The following NSD3 variants were observed in gnomAD, a reference collection of about 807,000 sequenced individuals.
NSD3 encodes the protein nuclear receptor binding SET domain protein 3.
In NSD3, 24 loss-of-function variants were observed where a neutral mutation model predicts 160.8. The observed-to-expected ratio is 0.15, with a 90% CI of 0.11 to 0.21. The LOEUF (loss-of-function observed/expected upper bound fraction) is 0.21, where lower values mean the gene tolerates loss of function less well. Ranked by LOEUF, NSD3 falls within the 10% of genes least tolerant of loss-of-function variation. NSD3 has a pLI of 1.00. For synonymous variants in NSD3, 520 were observed against 600.0 expected (o/e 0.87, Z 1.95); for missense variants, 1,157 against 1,735.9 (o/e 0.67, Z 5.93).
intron 22 of NSD3, among the ~76,000 whole-genome samples, chr8:38,277,570 C>T (rs189079471): frequency 1.5e-3 from 226 of 152,342 alleles, no homozygotes; most frequent in Non-Finnish European, 2.8e-3. Context: ...AGCCACCACG[C>T]CCAGCCAGGT....
At chr8:38,311,595 G>A (rs1809537595) in intron 12 of NSD3, among the ~76,000 whole-genome samples, 1 of 152,132 alleles carries the variant, frequency 6.6e-6, no homozygotes, top group Non-Finnish European at 1.5e-5. Flanking sequence ...CAAAGTGCCG[G>A]TATTACAGAC....
At position 38,368,476 on chromosome 8, in the gene NSD3, A is replaced by AAAACAAC. The variant is rs1385200164; in HGVS notation, c.-45+13316_-45+13322dup. Among the ~76,000 whole-genome samples, 4 of 152,358 alleles carry AAAACAAC rather than the reference A, an allele frequency of 2.6e-5. No individual in the cohort carries two copies. The East Asian group carries it at 7.7e-4, about 29-fold the overall frequency. ...ACTTAGTTAACAAAATACAAAAAAG[A>AAAACAAC]AAACAACAACAACAAAAAAGTGTTT... On this transcript the variant is annotated intron_variant, in intron 1 of 23. Transcript: ENST00000317025.
At chr8:38,341,345 C>T (rs1276072640) in intron 2 of NSD3, among the ~76,000 whole-genome samples, 3 of 151,930 alleles carry the variant, frequency 2.0e-5, no homozygotes, top group Non-Finnish European at 2.9e-5. Flanking sequence ...CGAGACCAGC[C>T]GTGCCAAGAT....
chr8:38,328,023 G>A (rs1291892205), intron 6 of NSD3, among the ~76,000 whole-genome samples: 1 of 152,088 alleles, frequency 6.6e-6, no homozygotes, highest in Non-Finnish European at 1.5e-5. Flanking sequence ...GCACCATAGT[G>A]AGACCCTGTC....
Position 38,304,718 on chromosome 8 carries a change from T to G in NSD3, c.2480A>C (p.His827Pro), listed in dbSNP as rs774667538. Reference sequence around the variant, plus strand: ...GGCCGCAATGCAAGCATCTCCAGAGTGATAGGCAACTGGACATCTTAAACA... The same window carrying G: ...GGCCGCAATGCAAGCATCTCCAGAGGGATAGGCAACTGGACATCTTAAACA... ...MRCLRCPVAY[H>P]SGDACIAAGS... The change falls in exon 14 of 24, where the codon CAC (histidine) becomes CCC (proline). Residue 827 changes from histidine to proline, a missense_variant. Around this residue, in one of 10 missense-constraint regions of NSD3, gnomAD observed 437 missense variants for 576.6 expected, o/e 0.76. Coordinates refer to ENST00000317025, the MANE Select transcript of NSD3 (RefSeq NM_023034.2). The G allele has an allele frequency of 6.2e-7, 1 of 1,613,248 alleles. No homozygotes were observed. The highest frequency in any genetic ancestry group is 8.5e-7 in the Non-Finnish European group (1 of 1,179,688).
chr8:38,335,427 A>G (rs1182164372), intron 4 of NSD3, among the ~76,000 whole-genome samples: 1 of 152,240 alleles, frequency 6.6e-6, no homozygotes, highest in African/African-American at 2.4e-5. Context: ...GAAACTCTTT[A>G]TATAATCTCA....
Position 38,305,358 on chromosome 8 carries a change from G to A in NSD3, c.2330C>T (p.Ala777Val). ...GGCAGTGGGGAATTTGCGGACACAG[G>A]CTTCATGATAAAATTTCCCACAAGC... ...VGACGKFYHE[A>V]CVRKFPTAIF... Residue 777 changes from alanine (A) to valine (V), a missense_variant, in exon 13 of 24, where the codon GCC (alanine) becomes GTC (valine). This residue lies in a region of NSD3 where 437 missense variants were observed against 576.6 expected (regional missense o/e 0.76). Coordinates refer to ENST00000317025, the MANE Select transcript of NSD3 (RefSeq NM_023034.2). 6.2e-7 allele frequency: 1 copy of A among 1,614,136 alleles called. No individual in the cohort carries two copies. Among genetic ancestry groups the A allele is most frequent in the Non-Finnish European group, 8.5e-7 (1 of 1,180,024 alleles).
chr8:38,340,677 T>C (rs1342824199), intron 2 of NSD3, among the ~76,000 whole-genome samples: 1 of 152,010 alleles, frequency 6.6e-6, no homozygotes, highest in African/African-American at 2.4e-5. Flanking sequence ...ATATGTTCTA[T>C]AAGCCAGACT....
intron 1 of NSD3, among the ~76,000 whole-genome samples, chr8:38,368,207 G>C (rs995659425): frequency 6.6e-6 from 1 of 152,144 alleles, no homozygotes; most frequent in African/African-American, 2.4e-5. Context: ...TGATCCACTC[G>C]CCTTGGCCTC....
In NSD3 at chr8:38,329,596, G is replaced by T; in HGVS notation, c.1363C>A (p.His455Asn). Residue 455 changes from histidine to asparagine, a missense_variant, in exon 6 of 24, where the codon CAC becomes AAC. Around this residue, in one of 10 missense-constraint regions of NSD3, gnomAD observed 168 missense variants for 208.1 expected, o/e 0.81. Transcript: ENST00000317025. This position sits in a 1 kb window ranked among gnomAD's most constrained non-coding sequence, Gnocchi z 4.8. ...GGCTCTTCCTCTTCCGCACTTGTGT[G>T]CCGCCTCTGGCTATGTCTCCGAATT... ...TEIRRHSQRR[H>N]TSAEEEEPPP... 1 of 1,614,228 alleles carries T rather than the reference G, an allele frequency of 6.2e-7. No homozygotes were observed. Among genetic ancestry groups the T allele is most frequent in the Non-Finnish European group, 8.5e-7 (1 of 1,180,042 alleles).
chr8:38,295,001 G>A (rs545806001), intron 16 of NSD3, among the ~76,000 whole-genome samples: 61 of 151,046 alleles, frequency 4.0e-4, no homozygotes, highest in Admixed American at 3.4e-3. Flanking sequence ...AAAATTAGAC[G>A]GGCATGGTAG....
At chr8:38,367,159 C>A (rs143248777) in intron 1 of NSD3, among the ~76,000 whole-genome samples, 1 of 152,272 alleles carries the variant, frequency 6.6e-6, no homozygotes, top group African/African-American at 2.4e-5. Flanking sequence ...GAAGGATGTA[C>A]TCTAACATTG....
At chr8:38,351,296 G>A (rs1006579975) in intron 1 of NSD3, among the ~76,000 whole-genome samples, 2 of 151,362 alleles carry the variant, frequency 1.3e-5, no homozygotes, top group African/African-American at 4.9e-5. Context: ...AAGTTCTAAA[G>A]CAGGAAGGAC....
intron 2 of NSD3, among the ~76,000 whole-genome samples, chr8:38,339,489 G>A (rs989719861): frequency 6.6e-6 from 1 of 152,190 alleles, no homozygotes; most frequent in Non-Finnish European, 1.5e-5. Flanking sequence ...CACTTTGGGA[G>A]GCTGAGGCAG....
chr8:38,324,712 G>A (rs1438684223), intron 7 of NSD3, among the ~76,000 whole-genome samples: 1 of 152,122 alleles, frequency 6.6e-6, no homozygotes, highest in Non-Finnish European at 1.5e-5. Flanking sequence ...TTCCTAGTTG[G>A]GGGCTAGTCA....
At position 38,279,828 on chromosome 8, in the gene NSD3, A is replaced by G. The variant is rs184458994; in HGVS notation, c.3619-147T>C. 4 of 799,370 alleles carry G rather than the reference A, an allele frequency of 5.0e-6. No homozygotes were observed. In the East Asian group the frequency reaches 1.1e-4, roughly 22 times the overall value. 49.5% of individuals were successfully genotyped at this position (799,370 alleles called of 1,614,324 possible). Reference sequence around the variant, plus strand: ...TCAGGAAATGTGAGGCTGCCTGGGTAATTTACTAAGTTCTCTCCTTTATTT... The same window carrying G: ...TCAGGAAATGTGAGGCTGCCTGGGTGATTTACTAAGTTCTCTCCTTTATTT... On this transcript the variant is annotated intron_variant, in intron 20 of 23. Coordinates refer to ENST00000317025, the MANE Select transcript of NSD3 (RefSeq NM_023034.2).
chr8:38,278,331 C>T lies in NSD3; in HGVS notation c.3842G>A (p.Ser1281Asn). Residue 1281 changes from serine (S) to asparagine (N), a missense_variant, in exon 22 of 24, where the codon AGT becomes AAT. By Grantham distance (46) the Ser-to-Asn change is conservative. Transcript: ENST00000317025. ...CTTTGGCCGCACTCCTAGAAAACCA[C>T]TGCAGTTATCTGCTCCACAGTGGCA... The part of the protein sequence containing the change: ...TECHCGADNC[S>N]GFLGVRPKSA... 1 of 1,614,078 alleles carries T rather than the reference C, an allele frequency of 6.2e-7. No homozygotes were observed. Among genetic ancestry groups the T allele is most frequent in the South Asian group, 1.1e-5 (1 of 91,042 alleles).
At chr8:38,365,504 G>A (rs190098372) in intron 1 of NSD3, among the ~76,000 whole-genome samples, 4 of 152,094 alleles carry the variant, frequency 2.6e-5, no homozygotes, top group South Asian at 2.1e-4. Flanking sequence ...ACGGAGTCTC[G>A]CTCTGTCACC....
intron 19 of NSD3, among the ~76,000 whole-genome samples, chr8:38,285,252 A>C (rs1407468523): frequency 1.3e-5 from 2 of 152,264 alleles, no homozygotes; most frequent in African/African-American, 4.8e-5. Context: ...GCTGTCATTC[A>C]ATATTTAATA....
Sources: gnomAD v4.1 joint callset for allele counts (sites outside exome capture counted in the v4.1 genomes callset) on GRCh38, gnomAD v4.1.1 for gene constraint, gnomAD v4.1.1 regional missense constraint, Gnocchi (gnomAD v3.1) non-coding constraint, MANE v1.5 for transcripts, NCBI Gene and HGNC (gene_info 2026-07-23, HGNC 2026-07-21) for gene names.